Variants in ENTPD1 observed in about 807,000 individuals in gnomAD.
ENTPD1 encodes ATP diphosphohydrolase.
ENTPD1 carries 33 observed loss-of-function variants against 57.0 expected under a neutral mutation model. The observed-to-expected ratio is 0.58, with a 90% confidence interval of 0.44 to 0.77. ENTPD1 has a LOEUF of 0.77. Among genes scored for constraint, ENTPD1 ranks in the 30% least tolerant of loss-of-function variants. The pLI is 0.00. For synonymous variants in ENTPD1, 202 were observed against 218.8 expected, an observed-to-expected ratio of 0.92 and a Z score of 0.68; for missense variants, 501 against 603.4, an observed-to-expected ratio of 0.83 and a Z score of 1.78.
intron 6 of ENTPD1, 44 bp downstream of exon 6, chr10:95,845,640 C>T (rs1387280869): frequency 6.2e-7 from 1 of 1,614,194 alleles, no homozygotes; most frequent in Non-Finnish European, 8.5e-7. Context: ...ACATCTGCAC[C>T]TCCAGCCCCC....
intron 1 of ENTPD1, among the ~76,000 whole-genome samples, chr10:95,727,140 G>A (rs924022796): frequency 3.3e-5 from 5 of 152,146 alleles, no homozygotes; most frequent in Non-Finnish European, 4.4e-5. Flanking sequence ...AAAACATGGA[G>A]CTCTAACATT....
intron 1 of ENTPD1, among the ~76,000 whole-genome samples, chr10:95,780,312 G>A (rs1385995261): frequency 6.6e-6 from 1 of 152,102 alleles, no homozygotes; most frequent in Admixed American, 6.6e-5. Context: ...GAATAAATAT[G>A]TGGCCCTATA....
intron 1 of ENTPD1, among the ~76,000 whole-genome samples, chr10:95,718,940 T>G (rs1320203326): frequency 6.6e-6 from 1 of 152,218 alleles, no homozygotes; most frequent in African/African-American, 2.4e-5. Flanking sequence ...CAGTTAAGAG[T>G]TGCACAAGTG....
intron 1 of ENTPD1, among the ~76,000 whole-genome samples, chr10:95,809,310 G>T (rs1054843686): frequency 6.6e-6 from 1 of 151,114 alleles, no homozygotes; most frequent in Non-Finnish European, 1.5e-5. Flanking sequence ...AGGCAGAGGC[G>T]CCCCCCACAT....
At chr10:95,743,997 CATATATATATATATATATAT>C (rs57187898) in intron 1 of ENTPD1, among the ~76,000 whole-genome samples, 8 of 80,996 alleles carry the variant, frequency 9.9e-5, no homozygotes, top group East Asian at 4.6e-4. Context: ...TATTTTAAAC[CATATATATATATATATATAT>C]ATATATATAT....
At chr10:95,788,956 G>A (rs567810485) in intron 1 of ENTPD1, among the ~76,000 whole-genome samples, 20 of 152,280 alleles carry the variant, frequency 1.3e-4, no homozygotes, top group Non-Finnish European at 2.2e-4. Flanking sequence ...GCATCACTTG[G>A]ACTAAATATC....
At chr10:95,715,705 C>G (rs1157683808) in intron 1 of ENTPD1, among the ~76,000 whole-genome samples, 1 of 151,960 alleles carries the variant, frequency 6.6e-6, no homozygotes, top group Non-Finnish European at 1.5e-5. Flanking sequence ...TTTAAATTTA[C>G]CCCTTTAAAG....
In ENTPD1 at chr10:95,756,181, A is replaced by C. The variant is rs2098022659; in HGVS notation, c.-59A>C. The stretch of plus-strand genomic sequence containing the variant: ...CTCTCTCACGGAGACGGACCACAGC[A>C]AGCAGAGGCTGGGGGGGGGAAAGAC... On this transcript the variant is annotated 5_prime_UTR_variant, in exon 1 of 10. Coordinates refer to ENST00000371205, the MANE Select transcript of ENTPD1 (RefSeq NM_001776.6). The C allele has an allele frequency of 6.4e-7, 1 of 1,572,842 alleles. No homozygotes were observed. The highest frequency in any genetic ancestry group is 8.6e-7 in the Non-Finnish European group (1 of 1,158,572).
intron 1 of ENTPD1, among the ~76,000 whole-genome samples, chr10:95,804,328 G>T (rs2098263368): frequency 6.6e-6 from 1 of 152,206 alleles, no homozygotes; most frequent in South Asian, 2.1e-4. Flanking sequence ...AGCATGGAAT[G>T]CTCTTCCATT....
At chr10:95,738,896 G>A (rs2097997357) in intron 1 of ENTPD1, among the ~76,000 whole-genome samples, 1 of 152,126 alleles carries the variant, frequency 6.6e-6, no homozygotes, top group Non-Finnish European at 1.5e-5. Context: ...GTCACACTTT[G>A]GATTGTATAC....
At chr10:95,769,411 A>G (rs2098105962) in intron 1 of ENTPD1, among the ~76,000 whole-genome samples, 1 of 152,260 alleles carries the variant, frequency 6.6e-6, no homozygotes, top group Non-Finnish European at 1.5e-5. Flanking sequence ...ACATGTACAA[A>G]GTCCTGAGGA....
At chr10:95,827,315 C>T (rs919133529) in intron 2 of ENTPD1, among the ~76,000 whole-genome samples, 6 of 151,808 alleles carry the variant, frequency 4.0e-5, no homozygotes, top group Non-Finnish European at 7.4e-5. Flanking sequence ...ATTAGCCGGG[C>T]GTGGTGGTAG....
rs2141041214 is a variant in ENTPD1, at chr10:95,875,710, GCT to G, written c.*9328_*9329del. ...TTAATTGGACTTATAGTTCCACCTG[GCT>G]GGGGAGGCCTCAGAATCATGGCAGG... is the stretch of plus-strand genomic sequence containing the variant. On this transcript the variant is annotated 3_prime_UTR_variant, in exon 10 of 10. Coordinates refer to ENST00000371205, the MANE Select transcript of ENTPD1 (RefSeq NM_001776.6). 6.0e-6 allele frequency: 1 copy of G among 166,310 alleles called. No homozygotes were observed. Among genetic ancestry groups the G allele is most frequent in the East Asian group, 1.8e-4 (1 of 5,680 alleles). 10.3% of individuals were successfully genotyped at this position (166,310 alleles called of 1,614,324 possible).
chr10:95,752,732 A>T (rs2098251116), upstream of ENTPD1, among the ~76,000 whole-genome samples: 1 of 152,164 alleles, frequency 6.6e-6, no homozygotes, highest in Admixed American at 6.5e-5. Flanking sequence ...GGGTCTTGTT[A>T]TGTTGCCTAG....
intron 7 of ENTPD1, among the ~76,000 whole-genome samples, chr10:95,847,952 C>CT (rs2098438581): frequency 6.6e-6 from 1 of 152,160 alleles, no homozygotes; most frequent in South Asian, 2.1e-4. Flanking sequence ...TCACTGCCTC[C>CT]TTTTTGGCTC....
At chr10:95,777,831 A>G (rs1162001150) in intron 1 of ENTPD1, among the ~76,000 whole-genome samples, 1 of 152,196 alleles carries the variant, frequency 6.6e-6, no homozygotes, top group Non-Finnish European at 1.5e-5. Flanking sequence ...CTTCCAGGAC[A>G]CTTTGTTTAC....
chr10:95,719,076 A>G lies in ENTPD1; in HGVS notation c.37+7083A>G, dbSNP rs1431018578. Among the ~76,000 whole-genome samples the G allele has an allele frequency of 2.0e-5, 3 of 152,128 alleles. No individual in the cohort carries two copies. The East Asian group carries it at 5.8e-4, about 29-fold the overall frequency. The stretch of plus-strand genomic sequence containing the variant: ...CATCATGAGATGTCCACACGGTAAG[A>G]TCTCTTCCCTGTATTATTTTAACTG... On this transcript the variant is annotated intron_variant, in intron 1 of 9. Transcript: ENST00000453258.
intron 9 of ENTPD1, 72 bp downstream of exon 9, chr10:95,864,933 G>A: frequency 1.9e-6 from 3 of 1,538,874 alleles, no homozygotes; most frequent in Admixed American, 3.5e-5. Flanking sequence ...TTTGGGGCTT[G>A]AAAAAGGGGG....
chr10:95,709,674 G>T (rs6584014), upstream of ENTPD1, among the ~76,000 whole-genome samples: 127,666 of 151,918 alleles, frequency 0.84, 54,200 homozygotes, highest in Non-Finnish European at 0.91. Context: ...TGAGCCACCG[G>T]GCCTGGGCCT....
Sources: gnomAD v4.1 joint callset for allele counts (sites outside exome capture counted in the v4.1 genomes callset) on GRCh38, gnomAD v4.1.1 for gene constraint, MANE v1.5 for transcripts, NCBI Gene and HGNC (gene_info 2026-07-23, HGNC 2026-07-21) for gene names.